Variants in LHFPL6 observed in about 807,000 individuals in gnomAD.
LHFPL6 encodes the protein LHFPL tetraspan subfamily member 6.
LHFPL6 carries 9 observed loss-of-function variants against 20.6 expected under a neutral mutation model. The observed-to-expected ratio is 0.44, with a 90% CI of 0.26 to 0.76. LHFPL6 has a LOEUF of 0.76. Ranked by LOEUF, LHFPL6 falls within the 30% of genes least tolerant of loss-of-function variation. LHFPL6 has a pLI of 0.20. For missense variants in LHFPL6, 218 were observed against 253.5 expected, an observed-to-expected ratio of 0.86 and a Z score of 0.95; for synonymous variants, 105 against 98.7, an observed-to-expected ratio of 1.06 and a Z score of -0.38.
chr13:39,553,014 C>T lies in LHFPL6; in HGVS notation c.385+47818G>A, dbSNP rs1871186619. On this transcript the variant is annotated intron_variant, in intron 2 of 3. Coordinates refer to ENST00000379589, the MANE Select transcript of LHFPL6 (RefSeq NM_005780.3). ...TAATTCTGAATAAAAGAGAAAAAAA[C>T]TTTATTAATGCTTTTAAATGAAGTT... Among the ~76,000 whole-genome samples the T allele has an allele frequency of 2.6e-5, 4 of 152,148 alleles. No homozygotes were observed. The South Asian group carries it at 8.3e-4, about 32-fold the overall frequency.
At chr13:39,483,735 A>G (rs547154188) in intron 2 of LHFPL6, among the ~76,000 whole-genome samples, 1 of 152,308 alleles carries the variant, frequency 6.6e-6, no homozygotes, top group South Asian at 2.1e-4. Flanking sequence ...ATGAATGTAA[A>G]TAGCTTATTG....
At chr13:39,517,248 T>C (rs1869955554) in intron 2 of LHFPL6, among the ~76,000 whole-genome samples, 1 of 152,110 alleles carries the variant, frequency 6.6e-6, no homozygotes, top group East Asian at 1.9e-4. Context: ...AGAAAAGAAA[T>C]AATGAAGTAC....
At chr13:39,556,313 G>T (rs1330461870) in intron 2 of LHFPL6, among the ~76,000 whole-genome samples, 1 of 152,200 alleles carries the variant, frequency 6.6e-6, no homozygotes, top group Non-Finnish European at 1.5e-5. Context: ...CAAAGAAGAA[G>T]ACAGGAAGAT....
intron 2 of LHFPL6, among the ~76,000 whole-genome samples, chr13:39,433,300 TAAAAC>T (rs1871866295): frequency 1.3e-5 from 2 of 152,242 alleles, no homozygotes; most frequent in Admixed American, 6.5e-5. Context: ...AACTAAAAAA[TAAAAC>T]AAAAGAAATT....
chr13:39,405,544 C>T lies in LHFPL6; in HGVS notation c.386-27018G>A, dbSNP rs538421929. Among the ~76,000 whole-genome samples, 20 of 152,268 alleles carry T rather than the reference C, an allele frequency of 1.3e-4. 1 individual carries two copies. In the South Asian group the frequency reaches 3.5e-3, roughly 27 times the overall value. ...TTTTATCTTCCACCCAAATCCTTGA[C>T]GATATAAACATCTTCTGGGCTGTCT... On this transcript the variant is annotated intron_variant, in intron 2 of 3. Coordinates refer to ENST00000379589, the MANE Select transcript of LHFPL6 (RefSeq NM_005780.3).
chr13:39,378,624 C>A (rs1278951849), intron 2 of LHFPL6, 98 bp from the exon 3 acceptor site: 5 of 863,074 alleles, frequency 5.8e-6, no homozygotes, highest in Admixed American at 2.1e-5. Context: ...AAGACCATAG[C>A]GTCTGCTTTT....
intron 2 of LHFPL6, among the ~76,000 whole-genome samples, chr13:39,540,812 T>A (rs1411636788): frequency 6.6e-6 from 1 of 152,186 alleles, no homozygotes; most frequent in East Asian, 1.9e-4. Context: ...TGGGAATACC[T>A]CTTTCTTTAT....
At chr13:39,461,770 T>C (rs1242399528) in intron 2 of LHFPL6, among the ~76,000 whole-genome samples, 3 of 152,208 alleles carry the variant, frequency 2.0e-5, no homozygotes, top group Non-Finnish European at 4.4e-5. Context: ...CCCAGAAACC[T>C]GCTGCTGAAG....
intron 2 of LHFPL6, among the ~76,000 whole-genome samples, chr13:39,568,475 G>A (rs1871799670): frequency 6.6e-6 from 1 of 152,026 alleles, no homozygotes. Context: ...ATAAAGCTAT[G>A]TAAACAGAGC....
intron 2 of LHFPL6, among the ~76,000 whole-genome samples, chr13:39,569,820 G>C (rs1275846826): frequency 6.6e-6 from 1 of 152,154 alleles, no homozygotes; most frequent in Non-Finnish European, 1.5e-5. Flanking sequence ...AGAACTAGCA[G>C]AAATGAGCAG....
At chr13:39,431,132 C>T (rs1007781848) in intron 2 of LHFPL6, among the ~76,000 whole-genome samples, 30 of 152,152 alleles carry the variant, frequency 2.0e-4, no homozygotes, top group African/African-American at 7.0e-4. Context: ...TGCTGCTTCA[C>T]TCCTGAAGTC....
chr13:39,557,232 C>CTGA (rs1871333185), intron 2 of LHFPL6, among the ~76,000 whole-genome samples: 1 of 152,240 alleles, frequency 6.6e-6, no homozygotes, highest in Non-Finnish European at 1.5e-5. Flanking sequence ...CCCAGGGCCC[C>CTGA]ACCACCCTGA....
intron 3 of LHFPL6, 83 bp downstream of exon 3, chr13:39,378,345 G>T: frequency 1.8e-6 from 2 of 1,121,440 alleles, no homozygotes; most frequent in Non-Finnish European, 2.7e-6. Flanking sequence ...TTTCTTATCT[G>T]TCCCCTTTCC....
At chr13:39,420,789 CA>C (rs1871462589) in intron 2 of LHFPL6, among the ~76,000 whole-genome samples, 1 of 152,138 alleles carries the variant, frequency 6.6e-6, no homozygotes, top group Admixed American at 6.6e-5. Flanking sequence ...CTGTCGCAAA[CA>C]ACAACAGTAG....
At chr13:39,566,377 T>G (rs1593366455) in intron 2 of LHFPL6, among the ~76,000 whole-genome samples, 1 of 152,210 alleles carries the variant, frequency 6.6e-6, no homozygotes, top group Admixed American at 6.5e-5. Flanking sequence ...AAACCATGTC[T>G]GAATGACTCA....
intron 2 of LHFPL6, among the ~76,000 whole-genome samples, chr13:39,551,009 CT>C (rs1212991282): frequency 6.6e-6 from 1 of 152,080 alleles, no homozygotes; most frequent in Non-Finnish European, 1.5e-5. Flanking sequence ...CATTTGCTCT[CT>C]TTTATATGTA....
intron 2 of LHFPL6, among the ~76,000 whole-genome samples, chr13:39,560,516 T>TTTC (rs1293400205): frequency 1.3e-4 from 19 of 143,690 alleles, no homozygotes; most frequent in African/African-American, 4.7e-4. Context: ...TTTTTTTTTT[T>TTTC]TTTTTTTTCT....
chr13:39,545,671 C>CTACA (rs1461097661), intron 2 of LHFPL6, among the ~76,000 whole-genome samples: 1 of 152,094 alleles, frequency 6.6e-6, no homozygotes, highest in African/African-American at 2.4e-5. Flanking sequence ...TGAATATACC[C>CTACA]TACATACATC....
chr13:39,514,661 G>A lies in LHFPL6; in HGVS notation c.385+86171C>T, dbSNP rs527395723. On this transcript the variant is annotated intron_variant, in intron 2 of 3. Coordinates refer to ENST00000379589, the MANE Select transcript of LHFPL6 (RefSeq NM_005780.3). ...AACTGAGTGCCAGGGGATGAGAGGC[G>A]GGCAAGGTTACATCCCCAACCTGAG... Among the ~76,000 whole-genome samples, 50 of 152,282 alleles carry A rather than the reference G, an allele frequency of 3.3e-4. No individual in the cohort carries two copies. In the South Asian group the frequency reaches 9.7e-3, roughly 30 times the overall value.
Sources: gnomAD v4.1 joint callset for allele counts (sites outside exome capture counted in the v4.1 genomes callset) on GRCh38, gnomAD v4.1.1 for gene constraint, MANE v1.5 for transcripts, NCBI Gene and HGNC (gene_info 2026-07-23, HGNC 2026-07-21) for gene names.